The following NCMAP variants were observed in gnomAD, a reference collection of about 807,000 sequenced individuals.
The protein encoded by NCMAP is non-compact myelin associated protein.
NCMAP carries 8 observed loss-of-function variants against 7.8 expected under a neutral mutation model. That is an observed-to-expected ratio of 1.02 (90% CI 0.60 to 1.84). The LOEUF (loss-of-function observed/expected upper bound fraction) is 1.84. Ranked by LOEUF, NCMAP falls within the 40% of genes most tolerant of loss-of-function variation. The pLI is 0.00. For missense variants in NCMAP, 112 were observed against 131.4 expected, an observed-to-expected ratio of 0.85 and a Z score of 0.72; for synonymous variants, 41 against 52.9, an observed-to-expected ratio of 0.78 and a Z score of 0.98.
chr1:24,603,357 T>A (rs1652573842), intron 3 of NCMAP, among the ~76,000 whole-genome samples: 1 of 150,522 alleles, frequency 6.6e-6, no homozygotes, highest in Non-Finnish European at 1.5e-5. Flanking sequence ...AATAATAACA[T>A]TAAAAAATTA....
chr1:24,582,754 T>C (rs1651779558), intron 1 of NCMAP, among the ~76,000 whole-genome samples: 2 of 152,254 alleles, frequency 1.3e-5, no homozygotes, highest in South Asian at 4.1e-4. Context: ...AAGATTAATG[T>C]GTGTTGTTTT....
At chr1:24,595,340 C>A in intron 1 of NCMAP, 84 bp from the exon 2 acceptor site, 1 of 911,774 alleles carries the variant, frequency 1.1e-6, no homozygotes, top group Admixed American at 2.1e-5. Context: ...TACAGTCATC[C>A]AGATAAAGAC....
intron 1 of NCMAP, among the ~76,000 whole-genome samples, chr1:24,568,303 G>A (rs1651286844): frequency 1.3e-5 from 2 of 152,238 alleles, no homozygotes; most frequent in Non-Finnish European, 2.9e-5. Flanking sequence ...GCAGGAAGGA[G>A]AGGGAAACAA....
chr1:24,582,647 T>A (rs1164096636), intron 1 of NCMAP, among the ~76,000 whole-genome samples: 2 of 150,760 alleles, frequency 1.3e-5, no homozygotes, highest in Non-Finnish European at 1.5e-5. Context: ...AGAAATGAAT[T>A]CTCCCCTAGA....
At chr1:24,591,362 G>A (rs1397146640) in intron 1 of NCMAP, among the ~76,000 whole-genome samples, 1 of 152,150 alleles carries the variant, frequency 6.6e-6, no homozygotes, top group South Asian at 2.1e-4. Context: ...ACCTCCTGGA[G>A]GTTTAAGCGA....
At chr1:24,578,789 G>A (rs76258240) in intron 1 of NCMAP, among the ~76,000 whole-genome samples, 2,360 of 151,734 alleles carry the variant, frequency 0.016, 58 homozygotes, top group African/African-American at 0.054. Flanking sequence ...CTGGCCTCAA[G>A]CTCCTGGCCT....
chr1:24,559,414 G>A (rs533522355), intron 1 of NCMAP, among the ~76,000 whole-genome samples: 2 of 152,314 alleles, frequency 1.3e-5, no homozygotes, highest in East Asian at 3.9e-4. Context: ...AGAAGGAAAG[G>A]GGCTGAGCCA....
At chr1:24,595,811 T>C (rs1026741870) in intron 2 of NCMAP, among the ~76,000 whole-genome samples, 2 of 135,460 alleles carry the variant, frequency 1.5e-5, no homozygotes, top group African/African-American at 2.8e-5. Flanking sequence ...TTTTTTTTTT[T>C]TTTTGAGATG....
intron 1 of NCMAP, among the ~76,000 whole-genome samples, chr1:24,582,007 C>T (rs939239615): frequency 4.6e-5 from 7 of 152,168 alleles, no homozygotes; most frequent in Admixed American, 1.3e-4. Flanking sequence ...AATCAGCTTG[C>T]TCAGCAGGGA....
chr1:24,592,554 G>A (rs1221690028), intron 1 of NCMAP, among the ~76,000 whole-genome samples: 2 of 152,116 alleles, frequency 1.3e-5, no homozygotes, highest in African/African-American at 2.4e-5. Context: ...GGTTACTTTG[G>A]GGAAGAGAGG....
At chr1:24,571,038 C>T (rs1316119970) in intron 1 of NCMAP, among the ~76,000 whole-genome samples, 1 of 150,732 alleles carries the variant, frequency 6.6e-6, no homozygotes, top group Non-Finnish European at 1.5e-5. Flanking sequence ...TTCTGCTTCA[C>T]AACGAGGGAC....
intron 1 of NCMAP, among the ~76,000 whole-genome samples, chr1:24,583,698 A>T (rs537101305): frequency 1.4e-5 from 2 of 146,834 alleles, no homozygotes; most frequent in South Asian, 4.4e-4. Context: ...ACTGGGTGAC[A>T]GAGCAAGACT....
intron 1 of NCMAP, among the ~76,000 whole-genome samples, chr1:24,585,379 C>G (rs1651853111): frequency 6.6e-6 from 1 of 152,140 alleles, no homozygotes; most frequent in Non-Finnish European, 1.5e-5. Context: ...TCGGTTTGTT[C>G]CAGTCTCTAG....
At chr1:24,582,098 T>C (rs1651763389) in intron 1 of NCMAP, among the ~76,000 whole-genome samples, 2 of 152,152 alleles carry the variant, frequency 1.3e-5, no homozygotes, top group Admixed American at 1.3e-4. Flanking sequence ...CCAGGACTCT[T>C]TCTCTGTCCG....
At chr1:24,574,703 C>T (rs1312911305) in intron 1 of NCMAP, among the ~76,000 whole-genome samples, 3 of 151,970 alleles carry the variant, frequency 2.0e-5, no homozygotes, top group Non-Finnish European at 4.4e-5. Flanking sequence ...CCAGTAGACA[C>T]TGGAGACGGT....
At chr1:24,573,247 G>A (rs542635679) in intron 1 of NCMAP, among the ~76,000 whole-genome samples, 1 of 150,950 alleles carries the variant, frequency 6.6e-6, no homozygotes, top group South Asian at 2.1e-4. Context: ...CCTGAGCTTA[G>A]CTCTGTAGTG....
chr1:24,582,396 C>A (rs1349026010), intron 1 of NCMAP, among the ~76,000 whole-genome samples: 1 of 152,162 alleles, frequency 6.6e-6, no homozygotes, highest in African/African-American at 2.4e-5. Context: ...AGGAACTTTG[C>A]AGATGTAATT....
intron 1 of NCMAP, among the ~76,000 whole-genome samples, chr1:24,569,958 T>C (rs557958821): frequency 3.0e-4 from 45 of 150,232 alleles, no homozygotes; most frequent in Middle Eastern, 3.4e-3. Flanking sequence ...TAAAAAAAAT[T>C]TTTTTTTGAG....
rs1370734205 is a variant in NCMAP at position 24,597,678 on chromosome 1, A to AAAAG, written c.82+2180_82+2183dup. 1.3e-3 allele frequency among the ~76,000 whole-genome samples: 154 copies of AAAAG among 116,220 alleles called. 2 individuals carry two copies. Among genetic ancestry groups the AAAAG allele is most frequent in the Non-Finnish European group, 1.8e-3 (97 of 53,084 alleles). 76.2% of individuals were successfully genotyped at this position (116,220 alleles called of 152,430 possible). On this transcript the variant is annotated intron_variant, in intron 2 of 3. Coordinates refer to ENST00000374392, the MANE Select transcript of NCMAP (RefSeq NM_001010980.5). ...AAGAAAGAAAGAAAGAAAGAAAAGA[A>AAAAG]AAAGAAAGAAAGAAAGAGAAAGAAG...
Sources: gnomAD v4.1 joint callset for allele counts (sites outside exome capture counted in the v4.1 genomes callset) on GRCh38, gnomAD v4.1.1 for gene constraint, MANE v1.5 for transcripts, NCBI Gene and HGNC (gene_info 2026-07-23, HGNC 2026-07-21) for gene names.